Variants in FAM149B1 observed in about 807,000 individuals in gnomAD.
FAM149B1 encodes primary cilium assembly protein FAM149B1.
FAM149B1 carries 56 observed loss-of-function variants against 75.3 expected under a neutral mutation model. That is an observed-to-expected ratio of 0.74 (90% CI 0.60 to 0.93). The LOEUF (loss-of-function observed/expected upper bound fraction) is 0.93, where lower values mean the gene tolerates loss of function less well. Among genes scored for constraint, FAM149B1 ranks in the 40% least tolerant of loss-of-function variants. The pLI, the probability that FAM149B1 is intolerant of heterozygous loss-of-function variation, is 0.00. For missense variants in FAM149B1, 639 were observed against 708.4 expected (o/e 0.90, Z 1.11); for synonymous variants, 259 against 256.1 (o/e 1.01, Z -0.11).
chr10:73,243,867 C>T lies in FAM149B1; in HGVS notation c.*2848C>T, dbSNP rs1444221779. On this transcript the variant is annotated 3_prime_UTR_variant, in exon 14 of 14. Transcript: ENST00000242505. The stretch of plus-strand genomic sequence containing the variant: ...CCTGAATGGCTGCCTTCAGGCTATC[C>T]ACGCCTTCATCAAGCCCCAACTCCT... The T allele has an allele frequency of 4.3e-6, 7 of 1,614,088 alleles. No homozygotes were observed. The highest frequency in any genetic ancestry group is 5.9e-6 in the Non-Finnish European group (7 of 1,180,004).
At chr10:73,218,496 G>C (rs530956876) in intron 7 of FAM149B1, among the ~76,000 whole-genome samples, 8 of 152,120 alleles carry the variant, frequency 5.3e-5, no homozygotes, top group African/African-American at 1.9e-4. Context: ...GTATCAGTGG[G>C]GTTTACCAAA....
chr10:73,192,102 G>T (rs1020199145), intron 3 of FAM149B1: 6 of 152,856 alleles, frequency 3.9e-5, no homozygotes, highest in African/African-American at 1.2e-4. Flanking sequence ...GTTTCACTAT[G>T]TTGGCCAGGC....
Position 73,172,655 on chromosome 10 carries a change from T to C in FAM149B1, c.48-2032T>C, listed in dbSNP as rs116900476. Among the ~76,000 whole-genome samples the C allele has an allele frequency of 6.7e-3, 1,022 of 152,276 alleles. 28 individuals are homozygous for C. Among genetic ancestry groups the C allele is most frequent in the East Asian group, 0.035 (182 of 5,190 alleles). The stretch of plus-strand genomic sequence containing the variant: ...TACCGCAGATTACTAGGAACATATA[T>C]TGATTGACCCCATAGATTACTGGAA... On this transcript the variant is annotated intron_variant, in intron 1 of 13. Coordinates refer to ENST00000242505, the MANE Select transcript of FAM149B1 (RefSeq NM_173348.2).
chr10:73,186,364 A>C lies in FAM149B1; in HGVS notation c.283-6192A>C, dbSNP rs76243207. Among the ~76,000 whole-genome samples, 1,471 of 152,280 alleles carry C rather than the reference A, an allele frequency of 9.7e-3. 39 individuals are homozygous for C. Among genetic ancestry groups the C allele is most frequent in the African/African-American group, 0.033 (1,371 of 41,550 alleles). On this transcript the variant is annotated intron_variant, in intron 3 of 13. Transcript: ENST00000242505. The stretch of plus-strand genomic sequence containing the variant: ...CTGAAAGGTTGGGCATCTACAAAAA[A>C]GTTAGAACTAACGTTATTATATGTA...
intron 1 of FAM149B1, among the ~76,000 whole-genome samples, chr10:73,172,747 A>G (rs1170885722): frequency 2.0e-5 from 3 of 152,154 alleles, no homozygotes; most frequent in Non-Finnish European, 4.4e-5. Flanking sequence ...AGCAATATTC[A>G]ATACAAATAT....
At chr10:73,230,254 A>C (rs2043655547) in intron 8 of FAM149B1, 168 bp from the exon 9 acceptor site, 1 of 542,752 alleles carries the variant, frequency 1.8e-6, no homozygotes. Flanking sequence ...TATCACATGG[A>C]CAGTTGACTT....
rs772378919 is a variant in FAM149B1 at position 73,235,227 on chromosome 10, C to T, written c.1511C>T (p.Ala504Val). Residue 504 changes from alanine (A) to valine (V), a missense_variant, in exon 12 of 14, where the codon GCG becomes GTG. Physicochemically the swap from Ala to Val is moderately conservative, Grantham distance 64. Coordinates refer to ENST00000242505, the MANE Select transcript of FAM149B1 (RefSeq NM_173348.2). ...GGCGACTCTAGTCGAGCTCAAAGTGCGGTGGTGGATGAACCTAACTATCAG... is the reference window on the plus strand; with the variant it reads ...GGCGACTCTAGTCGAGCTCAAAGTGTGGTGGTGGATGAACCTAACTATCAG... Reference protein sequence around the residue: ...PHGDSSRAQSAVVDEPNYQQP... With the variant: ...PHGDSSRAQSVVVDEPNYQQP... 3.0e-5 allele frequency: 46 copies of T among 1,551,576 alleles called. No homozygotes were observed. The highest frequency in any genetic ancestry group is 1.2e-4 in the African/African-American group (9 of 73,038).
At chr10:73,208,182 C>G (rs1411310276) in intron 5 of FAM149B1, among the ~76,000 whole-genome samples, 1 of 152,202 alleles carries the variant, frequency 6.6e-6, no homozygotes, top group African/African-American at 2.4e-5. Context: ...TGTGTGGCAC[C>G]TCTCTTGCTC....
At chr10:73,208,576 T>C (rs1333106785) in intron 5 of FAM149B1, 43 bp from the exon 6 acceptor site, 2 of 1,372,216 alleles carry the variant, frequency 1.5e-6, no homozygotes, top group South Asian at 3.1e-5. Context: ...AAGAACTGTT[T>C]ATGTTTACAT....
At chr10:73,219,688 C>A (rs1317046191) in intron 7 of FAM149B1, among the ~76,000 whole-genome samples, 1 of 152,092 alleles carries the variant, frequency 6.6e-6, no homozygotes, top group African/African-American at 2.4e-5. Context: ...GATACTGGAA[C>A]AACTGTATAT....
intron 4 of FAM149B1, among the ~76,000 whole-genome samples, chr10:73,192,919 C>G (rs1382092557): frequency 6.6e-6 from 1 of 152,170 alleles, no homozygotes; most frequent in African/African-American, 2.4e-5. Flanking sequence ...CAAGTAAAAA[C>G]TATTTCTACA....
rs781332236 is a variant in FAM149B1, at chr10:73,243,544, C to T, written c.*2525C>T. The T allele has an allele frequency of 9.3e-6, 15 of 1,613,558 alleles. No homozygotes were observed. The East Asian group carries it at 3.3e-4, about 36-fold the overall frequency. On this transcript the variant is annotated 3_prime_UTR_variant, in exon 14 of 14. Transcript: ENST00000242505. The stretch of plus-strand genomic sequence containing the variant: ...TCTGTTTGAGAAGTTAAAACACAAG[C>T]TTTCACAACATTATCCATAGACAGA...
intron 13 of FAM149B1, among the ~76,000 whole-genome samples, chr10:73,240,529 G>A (rs991226544): frequency 1.3e-5 from 2 of 152,240 alleles, no homozygotes; most frequent in Middle Eastern, 3.4e-3. Flanking sequence ...TGGCTAACAT[G>A]GTGAAACCCC....
chr10:73,236,475 G>A (rs757681274), intron 12 of FAM149B1, among the ~76,000 whole-genome samples: 4 of 149,480 alleles, frequency 2.7e-5, no homozygotes, highest in South Asian at 2.1e-4. Context: ...GTGTAATGGC[G>A]CAATCTCAGC....
chr10:73,193,378 C>T (rs2042724812), intron 4 of FAM149B1, 99 bp from the exon 5 acceptor site: 4 of 1,223,414 alleles, frequency 3.3e-6, no homozygotes, highest in Non-Finnish European at 4.5e-6. Flanking sequence ...GTATACTGGA[C>T]TTTTATGTTG....
At chr10:73,193,620 C>G (rs1242079471) in intron 5 of FAM149B1, 27 bp downstream of exon 5, 2 of 1,544,574 alleles carry the variant, frequency 1.3e-6, no homozygotes, top group Non-Finnish European at 1.7e-6. Context: ...GTAAGTACTT[C>G]AATGTGCCCT....
At chr10:73,172,975 C>G (rs1843780696) in intron 1 of FAM149B1, among the ~76,000 whole-genome samples, 1 of 151,578 alleles carries the variant, frequency 6.6e-6, no homozygotes, top group African/African-American at 2.4e-5. Context: ...AATAATTAGC[C>G]AAGTGTGGTG....
chr10:73,218,080 C>G (rs2043334782), intron 7 of FAM149B1, among the ~76,000 whole-genome samples: 1 of 152,144 alleles, frequency 6.6e-6, no homozygotes, highest in African/African-American at 2.4e-5. Context: ...CTGACCCCAA[C>G]ACACCCAACA....
At chr10:73,238,562 C>T (rs752709560) in intron 12 of FAM149B1, among the ~76,000 whole-genome samples, 2 of 152,200 alleles carry the variant, frequency 1.3e-5, no homozygotes, top group Admixed American at 1.3e-4. Flanking sequence ...ACCATAACAG[C>T]GAAGCTGAGT....
Sources: allele counts gnomAD v4.1 joint callset (sites outside exome capture counted in the v4.1 genomes callset), GRCh38; gene constraint gnomAD v4.1.1; transcripts MANE v1.5; gene names NCBI Gene and HGNC (gene_info 2026-07-23, HGNC 2026-07-21).